Variants in ZNF362 observed in about 807,000 individuals in gnomAD.
The protein encoded by ZNF362 is rotund homolog.
A neutral mutation model predicts 42.9 loss-of-function variants in ZNF362; 11 were observed. That is an observed-to-expected ratio of 0.26 (90% CI 0.16 to 0.42). The LOEUF (loss-of-function observed/expected upper bound fraction) is 0.42. ZNF362 is among the 20% of genes least tolerant of loss of function. The probability of loss-of-function intolerance (pLI) is 1.00; values close to 1 mark genes in which losing one functional copy is unlikely to be tolerated. For synonymous variants in ZNF362, 255 were observed against 257.3 expected (o/e 0.99, Z 0.09); for missense variants, 362 against 576.2 (o/e 0.63, Z 3.81).
chr1:33,295,612 G>C (rs547330940), intron 8 of ZNF362, among the ~76,000 whole-genome samples: 1 of 151,836 alleles, frequency 6.6e-6, no homozygotes, highest in South Asian at 2.1e-4. Flanking sequence ...CAGAGCTACA[G>C]AGAGAAGCGC....
chr1:33,238,888 A>C, the ZNF362 span, among the ~76,000 whole-genome samples: 1 of 152,132 alleles, frequency 6.6e-6, no homozygotes, highest in Non-Finnish European at 1.5e-5. Context: ...CCTCACCAGA[A>C]CCGGACCATG....
the ZNF362 span, among the ~76,000 whole-genome samples, chr1:33,180,367 A>G: frequency 1.3e-5 from 2 of 152,116 alleles, no homozygotes; most frequent in Admixed American, 1.3e-4. Context: ...GTTGTAGAGT[A>G]TCCGGACCTG....
rs12093984 is a variant in ZNF362, at chr1:33,276,243, C to T, written c.102+80C>T. ...TCCCCTGGGTTTTGGCTGTGGCCTGCGGGGAGCGGGGTGAGGAGCGAGGGG... is the reference window on the plus strand; with the variant it reads ...TCCCCTGGGTTTTGGCTGTGGCCTGTGGGGAGCGGGGTGAGGAGCGAGGGG... On this transcript the variant is annotated intron_variant, in intron 3 of 8. Coordinates refer to ENST00000539719, the MANE Select transcript of ZNF362 (RefSeq NM_152493.3). 5.1e-4 allele frequency: 819 copies of T among 1,591,284 alleles called. 2 individuals carry two copies. In the African/African-American group the frequency reaches 8.9e-3, roughly 17 times the overall value.
chr1:33,245,846 AG>A, the ZNF362 span, among the ~76,000 whole-genome samples: 1 of 152,204 alleles, frequency 6.6e-6, no homozygotes, highest in South Asian at 2.1e-4. Flanking sequence ...AGGCTGAGGT[AG>A]GAGACTCACT....
the ZNF362 span, among the ~76,000 whole-genome samples, chr1:33,216,541 A>G: frequency 7.8e-6 from 1 of 128,010 alleles, no homozygotes; most frequent in African/African-American, 2.8e-5. Context: ...CAGAGGTTGC[A>G]GTGAGCCGAG....
intron 6 of ZNF362, among the ~76,000 whole-genome samples, chr1:33,284,075 A>G (rs756971293): frequency 2.0e-5 from 3 of 152,232 alleles, no homozygotes; most frequent in Non-Finnish European, 2.9e-5. Context: ...GAACCATCCA[A>G]TTCACCTCTG....
chr1:33,257,824 CCTT>C (rs1207064247), intron 1 of ZNF362, among the ~76,000 whole-genome samples: 2 of 152,148 alleles, frequency 1.3e-5, no homozygotes, highest in African/African-American at 4.8e-5. Context: ...GGGCCTGTCT[CCTT>C]CATGGGTGGC....
chr1:33,259,052 C>G (rs140746697), intron 1 of ZNF362, among the ~76,000 whole-genome samples: 1 of 152,176 alleles, frequency 6.6e-6, no homozygotes, highest in South Asian at 2.1e-4. Context: ...GCCCACCCCA[C>G]CCAAAGAATG....
the ZNF362 span, among the ~76,000 whole-genome samples, chr1:33,234,409 A>C: frequency 6.6e-6 from 1 of 152,224 alleles, no homozygotes. Context: ...CAAGGGCTAC[A>C]TCAGAAGAAC....
At chr1:33,275,179 A>C (rs1317956511) in intron 2 of ZNF362, 1 of 985,344 alleles carries the variant, frequency 1.0e-6, no homozygotes, top group African/African-American at 1.7e-5. Flanking sequence ...TCTGTGAGGC[A>C]TGGTCCCTGT....
chr1:33,130,031 G>C, the ZNF362 span, among the ~76,000 whole-genome samples: 1 of 151,994 alleles, frequency 6.6e-6, no homozygotes, highest in African/African-American at 2.4e-5. Flanking sequence ...GGCTAATTTT[G>C]TATTTTTAGT....
chr1:33,225,539 T>A, the ZNF362 span, among the ~76,000 whole-genome samples: 2 of 152,142 alleles, frequency 1.3e-5, no homozygotes, highest in Admixed American at 6.6e-5. Flanking sequence ...CGTTGCTTGT[T>A]TACCCTTGTA....
chr1:33,140,831 C>T, the ZNF362 span, among the ~76,000 whole-genome samples: 1 of 152,306 alleles, frequency 6.6e-6, no homozygotes, highest in South Asian at 2.1e-4. This position sits in a 1 kb window ranked among gnomAD's most constrained non-coding sequence, Gnocchi z 4.0. Context: ...GAGGAAGGCA[C>T]CCAGCTCCTG....
chr1:33,162,516 C>T, the ZNF362 span, among the ~76,000 whole-genome samples: 1 of 152,240 alleles, frequency 6.6e-6, no homozygotes, highest in Non-Finnish European at 1.5e-5. Context: ...TCTCCCTCGG[C>T]TCTGCACCCC....
chr1:33,155,981 A>G, the ZNF362 span, among the ~76,000 whole-genome samples: 1 of 152,210 alleles, frequency 6.6e-6, no homozygotes, highest in Admixed American at 6.5e-5. Context: ...AGGTGAAGCC[A>G]TCAGAAGAGA....
chr1:33,198,412 T>C, the ZNF362 span, among the ~76,000 whole-genome samples: 4 of 152,126 alleles, frequency 2.6e-5, no homozygotes, highest in African/African-American at 7.2e-5. Flanking sequence ...ATGCCTGTAA[T>C]CCCAGCACTT....
chr1:33,288,743 CAAAAA>C (rs60197226), intron 6 of ZNF362, among the ~76,000 whole-genome samples: 1 of 27,356 alleles, frequency 3.7e-5, no homozygotes, highest in South Asian at 3.1e-3. Flanking sequence ...GACTCTGTCT[CAAAAA>C]AAAAAAAAAA....
At chr1:33,208,738 T>C in the ZNF362 span, among the ~76,000 whole-genome samples, 2 of 152,190 alleles carry the variant, frequency 1.3e-5, no homozygotes, top group Non-Finnish European at 2.9e-5. Context: ...GTTATTGGTA[T>C]ATAGGAATGC....
chr1:33,136,242 CCTTTCTCTCTTTCTTTTT>C, the ZNF362 span, among the ~76,000 whole-genome samples: 14 of 148,818 alleles, frequency 9.4e-5, no homozygotes, highest in Non-Finnish European at 1.8e-4. Flanking sequence ...TCTTTCTTTT[CCTTTCTCTCTTTCTTTTT>C]CTTTCTCTCT....
Sources: gnomAD v4.1 joint callset for allele counts (sites outside exome capture counted in the v4.1 genomes callset) on GRCh38, gnomAD v4.1.1 for gene constraint, Gnocchi (gnomAD v3.1) non-coding constraint, MANE v1.5 for transcripts, NCBI Gene and HGNC (gene_info 2026-07-23, HGNC 2026-07-21) for gene names.